Variants in UNC13C observed in about 807,000 individuals in gnomAD.
UNC13C encodes the protein unc-13 homolog C.
UNC13C carries 174 observed loss-of-function variants against 245.4 expected under a neutral mutation model. The observed-to-expected ratio is 0.71, with a 90% CI of 0.63 to 0.80. The LOEUF (loss-of-function observed/expected upper bound fraction) is 0.80, where lower values mean the gene tolerates loss of function less well. Ranked by LOEUF, UNC13C falls within the 30% of genes least tolerant of loss-of-function variation. The probability of loss-of-function intolerance (pLI) is 0.00; values close to 1 mark genes in which losing one functional copy is unlikely to be tolerated. For synonymous variants in UNC13C, 992 were observed against 895.1 expected (o/e 1.11, Z -1.93); for missense variants, 2,829 against 2,602.9 (o/e 1.09, Z -1.89).
intron 1 of UNC13C, among the ~76,000 whole-genome samples, chr15:53,981,568 CTGGATCTTAAGTTGTCTGTGGT>C (rs1893928346): frequency 6.6e-6 from 1 of 152,100 alleles, no homozygotes; most frequent in Admixed American, 6.6e-5. Context: ...CAAATCCTTT[CTGGATCTTAAGTTGTCTGTGGT>C]TGGATCACTA....
chr15:54,240,477 G>A (rs528182987), intron 7 of UNC13C, among the ~76,000 whole-genome samples: 10 of 152,108 alleles, frequency 6.6e-5, no homozygotes, highest in African/African-American at 1.7e-4. Context: ...ATATCAAATG[G>A]TACCACTTCT....
intron 19 of UNC13C, among the ~76,000 whole-genome samples, chr15:54,479,500 G>A (rs1034212667): frequency 1.3e-5 from 2 of 152,104 alleles, no homozygotes; most frequent in Non-Finnish European, 2.9e-5. Context: ...GCAGCATACA[G>A]TCAGATTTTT....
Position 53,998,264 on chromosome 15 carries a change from C to T in UNC13C, c.-256-14384C>T, listed in dbSNP as rs577342264. ...ACTTTGGGGAGAACTGATATATTAA[C>T]GTTGAATTTTTCAACTTATGATCAT... On this transcript the variant is annotated intron_variant, in intron 1 of 32. Coordinates refer to ENST00000260323, the MANE Select transcript of UNC13C (RefSeq NM_001080534.3). Among the ~76,000 whole-genome samples, 9 of 152,164 alleles carry T rather than the reference C, an allele frequency of 5.9e-5. No homozygotes were observed. In the East Asian group the frequency reaches 1.5e-3, roughly 26 times the overall value.
At chr15:54,354,763 G>A (rs779771176) in intron 17 of UNC13C, among the ~76,000 whole-genome samples, 1 of 152,104 alleles carries the variant, frequency 6.6e-6, no homozygotes, top group Admixed American at 6.5e-5. Flanking sequence ...AAAGATCAGT[G>A]CCCCCAAATT....
At chr15:54,054,854 A>G (rs558210968) in intron 2 of UNC13C, among the ~76,000 whole-genome samples, 7 of 151,930 alleles carry the variant, frequency 4.6e-5, no homozygotes, top group Admixed American at 2.0e-4. Flanking sequence ...AATGAAGGCT[A>G]GGCAAAAATG....
intron 30 of UNC13C, among the ~76,000 whole-genome samples, chr15:54,608,739 C>T (rs957530407): frequency 1.3e-5 from 2 of 152,176 alleles, no homozygotes; most frequent in African/African-American, 4.8e-5. Context: ...ATTATACCCT[C>T]TGTTTATTGT....
intron 7 of UNC13C, among the ~76,000 whole-genome samples, 177 bp downstream of exon 7, chr15:54,237,867 G>A (rs2035745576): frequency 6.6e-6 from 1 of 152,112 alleles, no homozygotes; most frequent in Non-Finnish European, 1.5e-5. Flanking sequence ...GCCAATCATT[G>A]TCTTCTCCTC....
At chr15:53,922,182 A>T in the UNC13C span, among the ~76,000 whole-genome samples, 1 of 152,220 alleles carries the variant, frequency 6.6e-6, no homozygotes, top group Non-Finnish European at 1.5e-5. Flanking sequence ...TTCAAACTGT[A>T]GCCTTGTAAC....
chr15:54,163,753 A>G (rs906557481), intron 4 of UNC13C, among the ~76,000 whole-genome samples: 2 of 152,220 alleles, frequency 1.3e-5, no homozygotes, highest in Non-Finnish European at 1.5e-5. Context: ...CTAAGAGATC[A>G]CCATCTTTTT....
intron 2 of UNC13C, among the ~76,000 whole-genome samples, chr15:54,059,400 C>T (rs532004054): frequency 1.2e-3 from 176 of 152,256 alleles, no homozygotes; most frequent in African/African-American, 4.1e-3. Flanking sequence ...AGGAATCCAA[C>T]TTGCAAGGGA....
At position 54,216,331 on chromosome 15, in the gene UNC13C, C is replaced by T. The variant is rs148841539; in HGVS notation, c.3072-18699C>T. Among the ~76,000 whole-genome samples, 129 of 151,990 alleles carry T rather than the reference C, an allele frequency of 8.5e-4. 1 individual carries two copies. The highest frequency in any genetic ancestry group is 2.9e-3 in the African/African-American group (119 of 41,484). On this transcript the variant is annotated intron_variant, in intron 4 of 32. Transcript: ENST00000260323. ...TTTAGGTTGCTTCAATTCTATAACT[C>T]AGATTAGCTGTTATTTAGTATTTTA...
At chr15:54,331,623 A>G (rs2038438894) in intron 14 of UNC13C, among the ~76,000 whole-genome samples, 1 of 152,132 alleles carries the variant, frequency 6.6e-6, no homozygotes, top group South Asian at 2.1e-4. Flanking sequence ...AAAAACTGTA[A>G]TATATTGTCT....
At chr15:54,382,060 G>A (rs553304195) in intron 17 of UNC13C, among the ~76,000 whole-genome samples, 1 of 152,226 alleles carries the variant, frequency 6.6e-6, no homozygotes, top group African/African-American at 2.4e-5. Context: ...TCAGACTACA[G>A]TGAGTAAAAC....
chr15:54,100,123 A>C (rs1211694567), intron 2 of UNC13C, among the ~76,000 whole-genome samples: 1 of 151,704 alleles, frequency 6.6e-6, no homozygotes, highest in Non-Finnish European at 1.5e-5. Flanking sequence ...AAAAAAAAAA[A>C]AAAAAATTAA....
At chr15:54,004,620 C>T (rs2264796) in intron 1 of UNC13C, among the ~76,000 whole-genome samples, 6,825 of 152,198 alleles carry the variant, frequency 0.045, 508 homozygotes, top group African/African-American at 0.16. Flanking sequence ...AATTTACATT[C>T]CCACCAATAG....
At chr15:54,203,484 G>GTGTGTGTGTATATATA (rs796426371) in intron 4 of UNC13C, among the ~76,000 whole-genome samples, 1 of 139,750 alleles carries the variant, frequency 7.2e-6, no homozygotes, top group Non-Finnish European at 1.6e-5. Context: ...ATGTGTGTGT[G>GTGTGTGTGTATATATA]TATATATATA....
chr15:54,056,081 T>C (rs1371721834), intron 2 of UNC13C, among the ~76,000 whole-genome samples: 2 of 152,062 alleles, frequency 1.3e-5, no homozygotes, highest in Non-Finnish European at 2.9e-5. Flanking sequence ...ACGCAGCTCC[T>C]CACCAGCAAC....
Position 54,036,488 on chromosome 15 carries a change from G to A in UNC13C, c.2983+20602G>A, listed in dbSNP as rs117760510. Reference sequence around the variant, plus strand: ...CTCTCACTTAACGCGCTCAAAAGTCGTTCTGTCTCAGTTCTTCAGAAACTT... The same window carrying A: ...CTCTCACTTAACGCGCTCAAAAGTCATTCTGTCTCAGTTCTTCAGAAACTT... On this transcript the variant is annotated intron_variant, in intron 2 of 32. Transcript: ENST00000260323. 1.7e-3 allele frequency among the ~76,000 whole-genome samples: 257 copies of A among 152,194 alleles called. 1 individual carries two copies. Among genetic ancestry groups the A allele is most frequent in the Non-Finnish European group, 3.1e-3 (214 of 68,026 alleles).
At chr15:53,874,009 C>T in the UNC13C span, among the ~76,000 whole-genome samples, 1 of 150,140 alleles carries the variant, frequency 6.7e-6, no homozygotes, top group African/African-American at 2.5e-5. Flanking sequence ...CAGGGTCTTA[C>T]TCTGTTGCTC....
Sources: gnomAD v4.1 joint callset for allele counts (sites outside exome capture counted in the v4.1 genomes callset) on GRCh38, gnomAD v4.1.1 for gene constraint, MANE v1.5 for transcripts, NCBI Gene and HGNC (gene_info 2026-07-23, HGNC 2026-07-21) for gene names.